ONECUT3: variants seen among roughly 807,000 people sequenced by gnomAD.
ONECUT3 encodes the protein one cut domain family member 3.
A neutral mutation model predicts 16.8 loss-of-function variants in ONECUT3; 11 were observed. The observed-to-expected ratio is 0.66, with a 90% CI of 0.41 to 1.09. ONECUT3 has a LOEUF of 1.09. ONECUT3 is among the 50% of genes least tolerant of loss of function. The pLI is 0.00. For synonymous variants in ONECUT3, 344 were observed against 310.7 expected, an observed-to-expected ratio of 1.11 and a Z score of -1.13; for missense variants, 637 against 629.9, an observed-to-expected ratio of 1.01 and a Z score of -0.12.
At position 1,753,991 on chromosome 19, in the gene ONECUT3, C is replaced by T; in HGVS notation, c.329C>T (p.Pro110Leu). Reference sequence around the variant, plus strand: ...GGCGGCACCTACACGACGCTCACGCCCCTGCAGCACCTGCCGCCGCTCGCG... The same window carrying T: ...GGCGGCACCTACACGACGCTCACGCTCCTGCAGCACCTGCCGCCGCTCGCG... Reference protein sequence around the residue: ...GLGGTYTTLTPLQHLPPLAAV... With the variant: ...GLGGTYTTLTLLQHLPPLAAV... Residue 110 changes from proline (P) to leucine (L), a missense_variant, in exon 1 of 2, where the codon CCC (proline) becomes CTC (leucine). Around this residue, in one of 3 missense-constraint regions of ONECUT3, gnomAD observed 419 missense variants for 377.9 expected, o/e 1.11. Coordinates refer to ENST00000382349, the MANE Select transcript of ONECUT3 (RefSeq NM_001080488.2). 1.0e-6 allele frequency: 1 copy of T among 994,810 alleles called. No homozygotes were observed. Among genetic ancestry groups the T allele is most frequent in the Non-Finnish European group, 1.2e-6 (1 of 837,376 alleles). The allele number at this position is 994,810 out of a possible 1,614,324, so 61.6% of individuals were successfully genotyped here.
In ONECUT3 at chr19:1,758,278, A is replaced by G. The variant is rs1222131881; in HGVS notation, c.1192+3424A>G. On this transcript the variant is annotated intron_variant, in intron 1 of 1. Coordinates refer to ENST00000382349, the MANE Select transcript of ONECUT3 (RefSeq NM_001080488.2). The surrounding 1 kb of genome is among the most constrained non-coding windows in gnomAD (Gnocchi z 5.9). Reference sequence around the variant, plus strand: ...AGAAAGGAACAGAGGTGAAGGAGAGACGAAAAGAGAGGCAGAGAGACCAAA... The same window carrying G: ...AGAAAGGAACAGAGGTGAAGGAGAGGCGAAAAGAGAGGCAGAGAGACCAAA... Among the ~76,000 whole-genome samples the G allele has an allele frequency of 2.1e-5, 3 of 144,990 alleles. No homozygotes were observed. Among genetic ancestry groups the G allele is most frequent in the African/African-American group, 5.2e-5 (2 of 38,700 alleles).
At chr19:1,771,374 T>C (rs1049317592) in intron 1 of ONECUT3, among the ~76,000 whole-genome samples, 24 of 152,198 alleles carry the variant, frequency 1.6e-4, no homozygotes, top group African/African-American at 5.6e-4. Flanking sequence ...TGAGAAAGGG[T>C]ATGTGGGAAG....
In ONECUT3 at chr19:1,766,713, T is replaced by A. The variant is rs574114882; in HGVS notation, c.1193-8440T>A. Among the ~76,000 whole-genome samples, 9 of 152,030 alleles carry A rather than the reference T, an allele frequency of 5.9e-5. No homozygotes were observed. The highest frequency in any genetic ancestry group is 1.9e-4 in the African/African-American group (8 of 41,490). ...GGCCCCTACTCAGCTACTGGCTTCC[T>A]GCTGAGGGCACTCGGGGAGCCCCAC... On this transcript the variant is annotated intron_variant, in intron 1 of 1. Transcript: ENST00000382349. This position sits in a 1 kb window ranked among gnomAD's most constrained non-coding sequence, Gnocchi z 4.0.
At chr19:1,771,384 G>A (rs2068052953) in intron 1 of ONECUT3, among the ~76,000 whole-genome samples, 2 of 152,214 alleles carry the variant, frequency 1.3e-5, no homozygotes, top group Admixed American at 1.3e-4. Flanking sequence ...TATGTGGGAA[G>A]TTAAGTTTTG....
chr19:1,756,235 TCA>T (rs1354277059), intron 1 of ONECUT3, among the ~76,000 whole-genome samples: 1 of 152,158 alleles, frequency 6.6e-6, no homozygotes, highest in Admixed American at 6.5e-5. Context: ...CAGGCCGGCC[TCA>T]GTTTCCCCCT....
At chr19:1,765,665 C>T (rs1034087637) in intron 1 of ONECUT3, among the ~76,000 whole-genome samples, 1 of 152,198 alleles carries the variant, frequency 6.6e-6, no homozygotes, top group Non-Finnish European at 1.5e-5. Flanking sequence ...TTCATTCCTT[C>T]GTGACTCTCG....
chr19:1,753,719 G>T lies in ONECUT3; in HGVS notation c.57G>T (p.Ala19=), dbSNP rs1262397094. The part of the protein sequence containing the change: ...GGLHSVAHAQ[A]GELLSPGHAR... ...TGCACAGCGTGGCCCACGCGCAGGC[G>T]GGCGAGCTGCTGAGCCCGGGCCACG... Residue 19 remains alanine (A), a synonymous_variant, in exon 1 of 2, where the codon GCG becomes GCT. Coordinates refer to ENST00000382349, the MANE Select transcript of ONECUT3 (RefSeq NM_001080488.2). 5.8e-6 allele frequency: 6 copies of T among 1,041,096 alleles called. No individual in the cohort carries two copies. The East Asian group carries it at 2.3e-4, about 41-fold the overall frequency. 64.5% of individuals were successfully genotyped at this position (1,041,096 alleles called of 1,614,324 possible).
At chr19:1,769,929 C>T (rs988418430) in intron 1 of ONECUT3, among the ~76,000 whole-genome samples, 3 of 152,062 alleles carry the variant, frequency 2.0e-5, no homozygotes, top group East Asian at 3.9e-4. Flanking sequence ...CAGATTGGAG[C>T]CTGGGAGGTG....
chr19:1,772,686 CTTTTTT>C (rs201848533), intron 1 of ONECUT3, among the ~76,000 whole-genome samples: 3 of 64,010 alleles, frequency 4.7e-5, no homozygotes, highest in Non-Finnish European at 5.3e-5. Flanking sequence ...CTGCTTTACT[CTTTTTT>C]TTTTTTTTTT....
Position 1,775,173 on chromosome 19 carries a change from G to A in ONECUT3, c.1213G>A (p.Glu405Lys). Residue 405 changes from glutamate (E) to lysine (K), a missense_variant, in exon 2 of 2, where the codon GAG becomes AAG. Physicochemically the swap from Glu to Lys is moderately conservative, Grantham distance 56 (BLOSUM62 1). Transcript: ENST00000382349. Reference sequence around the variant, plus strand: ...CGCAGCCTGCAAGCGCAAGGAACAGGAGCAGCAGAAGGAGCGCGCCCTGCA... The same window carrying A: ...CGCAGCCTGCAAGCGCAAGGAACAGAAGCAGCAGAAGGAGCGCGCCCTGCA... The part of the protein sequence containing the change: ...RLAACKRKEQ[E>K]QQKERALQPK... The A allele has an allele frequency of 1.4e-6, 2 of 1,429,482 alleles. No homozygotes were observed. Among genetic ancestry groups the A allele is most frequent in the Non-Finnish European group, 1.9e-6 (2 of 1,070,096 alleles). 88.5% of individuals were successfully genotyped at this position (1,429,482 alleles called of 1,614,324 possible).
In ONECUT3 at chr19:1,754,999, C is replaced by T. The variant is rs566065026; in HGVS notation, c.1192+145C>T. The T allele has an allele frequency of 1.1e-5, 12 of 1,129,664 alleles. No homozygotes were observed. The highest frequency in any genetic ancestry group is 3.2e-4 in the Middle Eastern group (1 of 3,080). The allele number at this position is 1,129,664 out of a possible 1,614,324, so 70.0% of individuals were successfully genotyped here. A position where few individuals can be genotyped will look rare whatever the true frequency, so the allele number is the denominator to read the frequency against. Reference sequence around the variant, plus strand: ...CAGCCCGGGACCCCCTATCAGGAAGCTAGACCGCGATCCGCGCCGCTGCCC... The same window carrying T: ...CAGCCCGGGACCCCCTATCAGGAAGTTAGACCGCGATCCGCGCCGCTGCCC... On this transcript the variant is annotated intron_variant, in intron 1 of 1. Coordinates refer to ENST00000382349, the MANE Select transcript of ONECUT3 (RefSeq NM_001080488.2). This position sits in a 1 kb window ranked among gnomAD's most constrained non-coding sequence, Gnocchi z 7.4.
rs1283623105 is a variant in ONECUT3, at chr19:1,758,317, GAGA to G, written c.1192+3464_1192+3466del. 1.8e-5 allele frequency among the ~76,000 whole-genome samples: 1 copy of G among 54,932 alleles called. No individual in the cohort carries two copies. The highest frequency in any genetic ancestry group is 5.4e-5 in the African/African-American group (1 of 18,602). 36.0% of individuals were successfully genotyped at this position (54,932 alleles called of 152,430 possible). A position where few individuals can be genotyped will look rare whatever the true frequency, so the allele number is the denominator to read the frequency against. ...AGAGAGACCAAAAAAAAAAAAAAAAGAGAGAGAGAGAGAGAGAGACAGAGATGG... is the reference window on the plus strand; with the variant it reads ...AGAGAGACCAAAAAAAAAAAAAAAAGGAGAGAGAGAGAGAGACAGAGATGG... On this transcript the variant is annotated intron_variant, in intron 1 of 1. Coordinates refer to ENST00000382349, the MANE Select transcript of ONECUT3 (RefSeq NM_001080488.2). The surrounding 1 kb of genome is among the most constrained non-coding windows in gnomAD (Gnocchi z 5.9).
Position 1,762,913 on chromosome 19 carries a change from T to A in ONECUT3, c.1192+8059T>A, listed in dbSNP as rs1214702943. Reference sequence around the variant, plus strand: ...ACCTCCCTTGTTTTTGCTCCCTGGTTCCCTAAAATATTCTACATTCTTTTG... The same window carrying A: ...ACCTCCCTTGTTTTTGCTCCCTGGTACCCTAAAATATTCTACATTCTTTTG... On this transcript the variant is annotated intron_variant, in intron 1 of 1. Transcript: ENST00000382349. This position sits in a 1 kb window ranked among gnomAD's most constrained non-coding sequence, Gnocchi z 4.4. 6.6e-6 allele frequency among the ~76,000 whole-genome samples: 1 copy of A among 152,198 alleles called. No homozygotes were observed. The highest frequency in any genetic ancestry group is 1.5e-5 in the Non-Finnish European group (1 of 68,036).
Position 1,777,102 on chromosome 19 carries a change from T to C in ONECUT3, c.*1657T>C, listed in dbSNP as rs912938450. On this transcript the variant is annotated 3_prime_UTR_variant, in exon 2 of 2. Coordinates refer to ENST00000382349, the MANE Select transcript of ONECUT3 (RefSeq NM_001080488.2). The stretch of plus-strand genomic sequence containing the variant: ...AGGATCGTGAGGTCGAAGAGTGCCT[T>C]CTTCTTGAACCAAAGACGTGTATGG... The C allele has an allele frequency of 1.3e-4, 20 of 152,110 alleles. No homozygotes were observed. The highest frequency in any genetic ancestry group is 9.2e-4 in the Admixed American group (14 of 15,254). The allele number at this position is 152,110 out of a possible 1,614,324, so 9.4% of individuals were successfully genotyped here. A position where few individuals can be genotyped will look rare whatever the true frequency, so the allele number is the denominator to read the frequency against.
In ONECUT3 at chr19:1,776,781, C is replaced by A. The variant is rs1292471748; in HGVS notation, c.*1336C>A. The A allele has an allele frequency of 1.3e-5, 2 of 151,518 alleles. No homozygotes were observed. The highest frequency in any genetic ancestry group is 2.9e-5 in the Non-Finnish European group (2 of 67,848). 9.4% of individuals were successfully genotyped at this position (151,518 alleles called of 1,614,324 possible). A position where few individuals can be genotyped will look rare whatever the true frequency, so the allele number is the denominator to read the frequency against. ...AAATCCCCCCACTCATCGGCTGCCTCCCAGGGAGGAGGCGGCCCCCCTACC... is the reference window on the plus strand; with the variant it reads ...AAATCCCCCCACTCATCGGCTGCCTACCAGGGAGGAGGCGGCCCCCCTACC... On this transcript the variant is annotated 3_prime_UTR_variant, in exon 2 of 2. Transcript: ENST00000382349. This position sits in a 1 kb window ranked among gnomAD's most constrained non-coding sequence, Gnocchi z 4.9.
At position 1,778,808 on chromosome 19, in the gene ONECUT3, C is replaced by T. The variant is rs1314624189; in HGVS notation, c.*3363C>T. 1 of 148,072 alleles carries T rather than the reference C, an allele frequency of 6.8e-6. No individual in the cohort carries two copies. The highest frequency in any genetic ancestry group is 2.5e-5 in the African/African-American group (1 of 40,266). The allele number at this position is 148,072 out of a possible 1,614,324, so 9.2% of individuals were successfully genotyped here. A position where few individuals can be genotyped will look rare whatever the true frequency, so the allele number is the denominator to read the frequency against. ...GCAACACAGCAAGACCCCACTTCTA[C>T]AAAAAAAAATAAATAAAGTGGCCCA... On this transcript the variant is annotated 3_prime_UTR_variant, in exon 2 of 2. Coordinates refer to ENST00000382349, the MANE Select transcript of ONECUT3 (RefSeq NM_001080488.2).
At position 1,758,313 on chromosome 19, in the gene ONECUT3, A is replaced by AGAGAG. The variant is rs1331199840; in HGVS notation, c.1192+3459_1192+3460insGAGAG. Among the ~76,000 whole-genome samples, 2 of 109,078 alleles carry AGAGAG rather than the reference A, an allele frequency of 1.8e-5. No homozygotes were observed. The highest frequency in any genetic ancestry group is 6.9e-5 in the African/African-American group (2 of 28,928). The allele number at this position is 109,078 out of a possible 152,430, so 71.6% of individuals were successfully genotyped here. On this transcript the variant is annotated intron_variant, in intron 1 of 1. Transcript: ENST00000382349. This position sits in a 1 kb window ranked among gnomAD's most constrained non-coding sequence, Gnocchi z 5.9. The stretch of plus-strand genomic sequence containing the variant: ...AGGCAGAGAGACCAAAAAAAAAAAA[A>AGAGAG]AAAGAGAGAGAGAGAGAGAGAGACA...
intron 1 of ONECUT3, among the ~76,000 whole-genome samples, chr19:1,761,197 C>T (rs1289508117): frequency 2.0e-5 from 3 of 152,106 alleles, no homozygotes; most frequent in Non-Finnish European, 2.9e-5. Flanking sequence ...AGATTACAGG[C>T]ATGAGCCACC....
Position 1,775,233 on chromosome 19 carries a change from C to A in ONECUT3, c.1273C>A (p.Gln425Lys). Residue 425 changes from glutamine to lysine, a missense_variant, in exon 2 of 2, where the codon CAG becomes AAG. Transcript: ENST00000382349. ...KKQRLVFTDLQRRTLIAIFKE... is the reference protein window; with the variant it reads ...KKQRLVFTDLKRRTLIAIFKE... ...GCAGCGCCTGGTGTTCACCGACCTG[C>A]AGCGACGCACGCTGATCGCCATCTT... is the stretch of plus-strand genomic sequence containing the variant. 6.3e-7 allele frequency: 1 copy of A among 1,582,268 alleles called. No homozygotes were observed. The highest frequency in any genetic ancestry group is 1.8e-5 in the Admixed American group (1 of 55,412).
Sources: allele counts gnomAD v4.1 joint callset (sites outside exome capture counted in the v4.1 genomes callset), GRCh38; gene constraint gnomAD v4.1.1; regional missense constraint gnomAD v4.1.1; non-coding constraint Gnocchi (gnomAD v3.1); transcripts MANE v1.5; gene names NCBI Gene and HGNC (gene_info 2026-07-23, HGNC 2026-07-21).